Variants in PUM3 observed in about 807,000 individuals in gnomAD.
The protein encoded by PUM3 is pumilio homolog 3.
PUM3 carries 91 observed loss-of-function variants against 84.0 expected under a neutral mutation model. The observed-to-expected ratio is 1.08, with a 90% CI of 0.91 to 1.29. The LOEUF is 1.29. Among genes scored for constraint, PUM3 ranks in the 50% most tolerant of loss-of-function variants. The pLI is 0.00. For synonymous variants in PUM3, 321 were observed against 266.7 expected (o/e 1.20, Z -1.98); for missense variants, 1,067 against 767.5 (o/e 1.39, Z -4.61).
chr9:2,809,095 C>G (rs1448627343), intron 16 of PUM3, among the ~76,000 whole-genome samples: 3 of 152,196 alleles, frequency 2.0e-5, no homozygotes, highest in Non-Finnish European at 4.4e-5. Flanking sequence ...ACAAACCGAG[C>G]AGCCCTAGAT....
At chr9:2,840,966 G>A (rs1816250970) in intron 1 of PUM3, among the ~76,000 whole-genome samples, 1 of 152,170 alleles carries the variant, frequency 6.6e-6, no homozygotes, top group Non-Finnish European at 1.5e-5. Flanking sequence ...ACACATATAT[G>A]TATATTAACT....
At position 2,829,855 on chromosome 9, in the gene PUM3, G is replaced by C. The variant is rs139189443; in HGVS notation, c.771C>G (p.Tyr257Ter). The change falls in exon 8 of 18, where the codon TAC becomes TAG. Residue 257 changes from tyrosine to a stop codon, truncating the protein, a stop_gained. Transcript: ENST00000397885. LOFTEE classifies it high-confidence loss of function. ...RHAEASAIVE[Y>*]AYNDKAILEQ... ...CCAAAATGGCTTTGTCATTGTATGC[G>C]TACTCCACGATGGCTGATGCTTCCG... is the stretch of plus-strand genomic sequence containing the variant. 1 of 1,613,888 alleles carries C rather than the reference G, an allele frequency of 6.2e-7. No homozygotes were observed. Among genetic ancestry groups the C allele is most frequent in the South Asian group, 1.1e-5 (1 of 91,062 alleles).
chr9:2,833,976 C>G lies in PUM3; in HGVS notation c.440+55G>C, dbSNP rs951787536. On this transcript the variant is annotated intron_variant, in intron 4 of 17. Transcript: ENST00000397885. ...GACATCTCACTATTTACAAGGTACA[C>G]TGACTTCTCCACTGTTGCAAAGGGA... 19 of 1,570,500 alleles carry G rather than the reference C, an allele frequency of 1.2e-5. No homozygotes were observed. In the African/African-American group the frequency reaches 1.8e-4, roughly 15 times the overall value.
At chr9:2,821,264 G>A (rs1821582369) in intron 12 of PUM3, among the ~76,000 whole-genome samples, 3 of 151,936 alleles carry the variant, frequency 2.0e-5, no homozygotes, top group Non-Finnish European at 4.4e-5. Flanking sequence ...CTAACAGGGT[G>A]AAACCCCATC....
chr9:2,834,418 G>T (rs1470484205), intron 3 of PUM3, among the ~76,000 whole-genome samples: 2 of 152,038 alleles, frequency 1.3e-5, no homozygotes, highest in African/African-American at 4.8e-5. Context: ...GACACTAAAA[G>T]AATTACAAAA....
Position 2,810,377 on chromosome 9 carries a change from G to A in PUM3, c.1690C>T (p.Gln564Ter). 1 of 1,611,436 alleles carries A rather than the reference G, an allele frequency of 6.2e-7. No individual in the cohort carries two copies. The highest frequency in any genetic ancestry group is 8.5e-7 in the Non-Finnish European group (1 of 1,178,150). ...CCATTTTCTTTCATCTTTTTATCTT[G>A]CTCTATTAACCACTTCAGAACTAGA... ...GHLVLKWLIE[Q>*]DKKMKENGRE... Residue 564 changes from glutamine (Q) to a stop codon, truncating the protein, a stop_gained, in exon 16 of 18, where the codon CAA (glutamine) becomes TAA (stop). Transcript: ENST00000397885. LOFTEE classifies it high-confidence loss of function.
chr9:2,805,998 A>G lies in PUM3; in HGVS notation c.1815-1535T>C, dbSNP rs141406431. Among the ~76,000 whole-genome samples, 210 of 152,292 alleles carry G rather than the reference A, an allele frequency of 1.4e-3. 3 individuals are homozygous for G. The East Asian group carries it at 0.037, about 27-fold the overall frequency. On this transcript the variant is annotated intron_variant, in intron 17 of 17. Transcript: ENST00000397885. ...TTTACAAAAACAATTTTTTTGTATT[A>G]TTGTTATATATAGCTCAACTTCCAT...
chr9:2,840,204 C>T (rs978516598), intron 1 of PUM3, among the ~76,000 whole-genome samples: 1 of 152,176 alleles, frequency 6.6e-6, no homozygotes, highest in African/African-American at 2.4e-5. Context: ...TAACCGTGTT[C>T]ACTTGGTCAA....
Position 2,804,316 on chromosome 9 carries a change from C to T in PUM3, c.*15G>A, listed in dbSNP as rs371219866. 4.1e-5 allele frequency: 66 copies of T among 1,610,876 alleles called. No homozygotes were observed. Among genetic ancestry groups the T allele is most frequent in the Admixed American group, 1.7e-4 (10 of 59,428 alleles). On this transcript the variant is annotated 3_prime_UTR_variant, in exon 18 of 18. Transcript: ENST00000397885. ...ACAGAAAAAATCATTCCATCTTGCT[C>T]TTAACTCTTTCCACCTATGTGCTCA...
intron 13 of PUM3, 26 bp from the exon 14 acceptor site, chr9:2,812,388 GAATC>G: frequency 1.4e-6 from 2 of 1,448,060 alleles, no homozygotes; most frequent in Non-Finnish European, 1.9e-6. Context: ...CAAAAAAAAA[GAATC>G]AATATCTGCA....
At position 2,804,475 on chromosome 9, in the gene PUM3, A is replaced by G; in HGVS notation, c.1815-12T>C. The stretch of plus-strand genomic sequence containing the variant: ...AACTCTGGAGGAGGCTGAAGAGAGG[A>G]AAAAAATTAAATTTCATAAGCATTC... On this transcript the variant is annotated splice_polypyrimidine_tract_variant and intron_variant, in intron 17 of 17. Coordinates refer to ENST00000397885, the MANE Select transcript of PUM3 (RefSeq NM_014878.5). The G allele has an allele frequency of 6.2e-7, 1 of 1,604,188 alleles. No homozygotes were observed. Among genetic ancestry groups the G allele is most frequent in the Non-Finnish European group, 8.5e-7 (1 of 1,176,586 alleles).
intron 10 of PUM3, 109 bp from the exon 11 acceptor site, chr9:2,824,924 G>GCC: frequency 1.8e-6 from 1 of 567,522 alleles, no homozygotes; most frequent in South Asian, 5.3e-5. Flanking sequence ...GAAAGGAAGA[G>GCC]AGTGCCAGGT....
Position 2,823,799 on chromosome 9 carries a change from A to AT in PUM3, c.1169dup (p.Tyr390Ter). The AT allele has an allele frequency of 6.6e-7, 1 of 1,512,030 alleles. No individual in the cohort carries two copies. 93.7% of individuals were successfully genotyped at this position (1,512,030 alleles called of 1,614,324 possible). ...TACTTACATTAGCCACCTTTTCAAC[A>AT]TAAGTCTTCATTGTTTTCACAATCA... ...RKVIVKTMKT[Y>*]VEKVANGQYS... Residue 390 changes from tyrosine to a stop codon, truncating the protein, a stop_gained and frameshift_variant, in exon 12 of 18, where the codon TAT becomes TAAT. Transcript: ENST00000397885. LOFTEE classifies it high-confidence loss of function.
rs546977726 is a variant in PUM3 at position 2,825,770 on chromosome 9, G to A, written c.1036-955C>T. ...GCTGGGATTACAGGTGTGAGCCACC[G>A]TGCCTGGCCCTATATTTTCAAAGTC... is the stretch of plus-strand genomic sequence containing the variant. On this transcript the variant is annotated intron_variant, in intron 10 of 17. Coordinates refer to ENST00000397885, the MANE Select transcript of PUM3 (RefSeq NM_014878.5). Among the ~76,000 whole-genome samples, 70 of 152,128 alleles carry A rather than the reference G, an allele frequency of 4.6e-4. 1 individual carries two copies. The highest frequency in any genetic ancestry group is 5.1e-4 in the Non-Finnish European group (35 of 68,020).
intron 6 of PUM3, 99 bp from the exon 7 acceptor site, chr9:2,831,127 A>G: frequency 1.0e-6 from 1 of 987,900 alleles, no homozygotes; most frequent in Non-Finnish European, 1.5e-6. Context: ...AAATAAAAAC[A>G]AAAAAGGATC....
intron 13 of PUM3, among the ~76,000 whole-genome samples, chr9:2,819,665 A>G (rs1821545680): frequency 6.6e-6 from 1 of 152,148 alleles, no homozygotes; most frequent in African/African-American, 2.4e-5. Context: ...ATAACTAAGG[A>G]ATTACTATGC....
chr9:2,814,642 T>C (rs753864734), intron 13 of PUM3, among the ~76,000 whole-genome samples: 9 of 152,260 alleles, frequency 5.9e-5, no homozygotes, highest in Non-Finnish European at 1.0e-4. Flanking sequence ...TGCTTTGTTA[T>C]ATATTTTGTT....
At chr9:2,806,634 G>C (rs937270109) in intron 17 of PUM3, among the ~76,000 whole-genome samples, 2 of 152,098 alleles carry the variant, frequency 1.3e-5, no homozygotes, top group African/African-American at 4.8e-5. Flanking sequence ...TTAACAGAAG[G>C]TTTTCATCTG....
intron 13 of PUM3, among the ~76,000 whole-genome samples, chr9:2,816,220 A>G (rs928408824): frequency 3.9e-5 from 6 of 152,222 alleles, no homozygotes; most frequent in Admixed American, 2.6e-4. Context: ...GAGGGAAGAG[A>G]GTTAATAAAA....
Sources: gnomAD v4.1 joint callset for allele counts (sites outside exome capture counted in the v4.1 genomes callset) on GRCh38, gnomAD v4.1.1 for gene constraint, MANE v1.5 for transcripts, NCBI Gene and HGNC (gene_info 2026-07-23, HGNC 2026-07-21) for gene names.